SPON1: variants seen among roughly 807,000 people sequenced by gnomAD.
SPON1 encodes spondin 1, also known as spondin-1.
In SPON1, 52 loss-of-function variants were observed where a neutral mutation model predicts 111.7. The ratio of observed to expected loss-of-function variants is 0.47; its 90% CI spans 0.37 to 0.59. The LOEUF is 0.59. SPON1 is among the 20% of genes least tolerant of loss of function. The pLI is 0.00. For synonymous variants in SPON1, 410 were observed against 395.8 expected, an observed-to-expected ratio of 1.04 and a Z score of -0.43; for missense variants, 957 against 1,068.5, an observed-to-expected ratio of 0.90 and a Z score of 1.46.
chr11:14,229,026 C>T (rs1848768018), intron 6 of SPON1, among the ~76,000 whole-genome samples: 1 of 152,186 alleles, frequency 6.6e-6, no homozygotes, highest in South Asian at 2.1e-4. Context: ...GAAGCTTCCA[C>T]CCCAGTTACC....
At chr11:13,964,290 G>C (rs1564874503) in intron 1 of SPON1, among the ~76,000 whole-genome samples, 1 of 152,228 alleles carries the variant, frequency 6.6e-6, no homozygotes, top group Non-Finnish European at 1.5e-5. Context: ...CAGCTCTGGT[G>C]CTAAGCAGGG....
rs1185362757 is a variant in SPON1, at chr11:13,962,926, C to G, written c.22C>G (p.Leu8Val). 2.6e-6 allele frequency: 4 copies of G among 1,560,412 alleles called. No individual in the cohort carries two copies. In the African/African-American group the frequency reaches 5.6e-5, roughly 22 times the overall value. Reference sequence around the variant, plus strand: ...GAAGATGAGGCTGTCCCCGGCGCCCCTGAAGCTGAGCCGGACTCCGGCACT... The same window carrying G: ...GAAGATGAGGCTGTCCCCGGCGCCCGTGAAGCTGAGCCGGACTCCGGCACT... MRLSPAP[L>V]KLSRTPALLA... Residue 8 changes from leucine to valine, a missense_variant, in exon 1 of 16, where the codon CTG becomes GTG. Leu to Val is a conservative substitution (Grantham distance 32). This residue lies in a region of SPON1 where 262 missense variants were observed against 253.9 expected (regional missense o/e 1.03). Transcript: ENST00000576479.
intron 5 of SPON1, among the ~76,000 whole-genome samples, chr11:14,092,544 C>T (rs1849068020): frequency 6.6e-6 from 1 of 152,182 alleles, no homozygotes; most frequent in African/African-American, 2.4e-5. Flanking sequence ...CTCTTCTCAA[C>T]CATTTTACAA....
At chr11:14,237,868 G>A (rs998346938) in intron 6 of SPON1, among the ~76,000 whole-genome samples, 1 of 152,218 alleles carries the variant, frequency 6.6e-6, no homozygotes, top group African/African-American at 2.4e-5. Flanking sequence ...AAGAGCAGCA[G>A]AAGTAGGAGG....
intron 5 of SPON1, among the ~76,000 whole-genome samples, chr11:14,096,738 C>G (rs1342921998): frequency 6.6e-6 from 1 of 152,156 alleles, no homozygotes; most frequent in Non-Finnish European, 1.5e-5. Flanking sequence ...TATTGCACTC[C>G]TTTGACTCTG....
intron 6 of SPON1, among the ~76,000 whole-genome samples, chr11:14,229,195 A>G (rs1848769399): frequency 6.6e-6 from 1 of 152,244 alleles, no homozygotes; most frequent in South Asian, 2.1e-4. Context: ...ACATTCATTC[A>G]ACATATTTGA....
At chr11:14,006,561 A>C (rs1487758208) in intron 2 of SPON1, among the ~76,000 whole-genome samples, 1 of 152,142 alleles carries the variant, frequency 6.6e-6, no homozygotes, top group East Asian at 1.9e-4. Flanking sequence ...TAGGACTCTG[A>C]GGCTTTTTGC....
Position 14,099,380 on chromosome 11 carries a change from C to T in SPON1, c.676+19359C>T, listed in dbSNP as rs1178915781. Reference sequence around the variant, plus strand: ...TTCCCTTCTATTTCTTTTGGGTTGTCCTTTTGTTCCTTTGGTGAATTTTTA... The same window carrying T: ...TTCCCTTCTATTTCTTTTGGGTTGTTCTTTTGTTCCTTTGGTGAATTTTTA... On this transcript the variant is annotated intron_variant, in intron 5 of 15. Coordinates refer to ENST00000576479, the MANE Select transcript of SPON1 (RefSeq NM_006108.4). 2.0e-5 allele frequency among the ~76,000 whole-genome samples: 3 copies of T among 152,012 alleles called. No individual in the cohort carries two copies. In the East Asian group the frequency reaches 5.8e-4, roughly 29 times the overall value.
chr11:14,245,757 A>G (rs1462416508), intron 7 of SPON1, among the ~76,000 whole-genome samples: 2 of 152,062 alleles, frequency 1.3e-5, no homozygotes, highest in African/African-American at 4.8e-5. Context: ...CTTGCTCTGG[A>G]TCCTCCCTAA....
chr11:14,255,766 C>T lies in SPON1; in HGVS notation c.1212C>T (p.Val404=). Reference sequence around the variant, plus strand: ...CCATCACTCAAGTAGCCAGAGTTGTCATCGAGAGAATCGCACGGAAGGTAC... The same window carrying T: ...CCATCACTCAAGTAGCCAGAGTTGTTATCGAGAGAATCGCACGGAAGGTAC... ...GGSITQVARV[V]IERIARKGEQ... Residue 404 remains valine, a synonymous_variant, in exon 9 of 16, where the codon GTC becomes GTT. Transcript: ENST00000576479. The T allele has an allele frequency of 6.2e-7, 1 of 1,613,892 alleles. No individual in the cohort carries two copies. The highest frequency in any genetic ancestry group is 8.5e-7 in the Non-Finnish European group (1 of 1,179,874).
In SPON1 at chr11:13,967,015, C is replaced by T. The variant is rs146520282; in HGVS notation, c.238+3873C>T. ...GATAAGATATTGTGTTAAGTTCTTC[C>T]GACTCATCTCACTTATTCCTTACAG... On this transcript the variant is annotated intron_variant, in intron 1 of 15. Coordinates refer to ENST00000576479, the MANE Select transcript of SPON1 (RefSeq NM_006108.4). Among the ~76,000 whole-genome samples, 539 of 152,246 alleles carry T rather than the reference C, an allele frequency of 3.5e-3. 3 individuals are homozygous for T. The highest frequency in any genetic ancestry group is 0.012 in the African/African-American group (495 of 41,530).
intron 6 of SPON1, among the ~76,000 whole-genome samples, chr11:14,207,046 C>G (rs1554936254): frequency 6.6e-6 from 1 of 152,066 alleles, no homozygotes; most frequent in Non-Finnish European, 1.5e-5. Flanking sequence ...GCACATAGAC[C>G]AGTGGAAGAG....
chr11:14,259,576 A>C lies in SPON1; in HGVS notation c.1706A>C (p.Glu569Ala). The change falls in exon 13 of 16, where the codon GAG becomes GCG. Residue 569 changes from glutamate to alanine, a missense_variant. Physicochemically the swap from Glu to Ala is moderately radical, Grantham distance 107. Transcript: ENST00000576479. This position sits in a 1 kb window ranked among gnomAD's most constrained non-coding sequence, Gnocchi z 5.0. ...CLMTEWGEWD[E>A]CSATCGMGMK... ...ATGACCGAGTGGGGCGAGTGGGACG[A>C]GTGCAGCGCCACCTGCGGCATGGGC... 1 of 1,553,268 alleles carries C rather than the reference A, an allele frequency of 6.4e-7. No homozygotes were observed. Among genetic ancestry groups the C allele is most frequent in the East Asian group, 2.4e-5 (1 of 41,028 alleles).
chr11:13,993,111 T>C (rs1848244306), intron 2 of SPON1, among the ~76,000 whole-genome samples: 1 of 152,092 alleles, frequency 6.6e-6, no homozygotes, highest in African/African-American at 2.4e-5. Flanking sequence ...GAGTGAATCC[T>C]TATACAGAGA....
chr11:14,142,581 C>G (rs1464119690), intron 6 of SPON1, among the ~76,000 whole-genome samples: 1 of 152,226 alleles, frequency 6.6e-6, no homozygotes, highest in Non-Finnish European at 1.5e-5. Context: ...CATGCTCCCT[C>G]CCTTCCTTGG....
At chr11:14,096,896 TAAG>T (rs1391846430) in intron 5 of SPON1, among the ~76,000 whole-genome samples, 13 of 152,320 alleles carry the variant, frequency 8.5e-5, no homozygotes, top group Non-Finnish European at 1.5e-4. Context: ...TTTGATAAAA[TAAG>T]AAGCAAAGCT....
chr11:14,101,641 G>C (rs1554924384), intron 5 of SPON1, among the ~76,000 whole-genome samples: 1 of 151,274 alleles, frequency 6.6e-6, no homozygotes, highest in Admixed American at 6.6e-5. Context: ...CTACCTCACT[G>C]CTGCCTTTAA....
chr11:14,176,567 G>A lies in SPON1; in HGVS notation c.825+40999G>A, dbSNP rs189102340. ...AGGGCTACAGAACCAGTCGGGAGAA[G>A]GAAGGTGGCCTTGGCAGCAATACTC... On this transcript the variant is annotated intron_variant, in intron 6 of 15. Coordinates refer to ENST00000576479, the MANE Select transcript of SPON1 (RefSeq NM_006108.4). Among the ~76,000 whole-genome samples the A allele has an allele frequency of 3.2e-3, 488 of 152,288 alleles. 1 individual carries two copies. The highest frequency in any genetic ancestry group is 0.011 in the African/African-American group (462 of 41,556).
chr11:14,025,921 CT>C (rs1347239690), intron 2 of SPON1, among the ~76,000 whole-genome samples: 1 of 152,164 alleles, frequency 6.6e-6, no homozygotes, highest in African/African-American at 2.4e-5. Context: ...TCTCTTTGTT[CT>C]TTCCAGCCCC....
Sources: gnomAD v4.1 joint callset for allele counts (sites outside exome capture counted in the v4.1 genomes callset) on GRCh38, gnomAD v4.1.1 for gene constraint, gnomAD v4.1.1 regional missense constraint, Gnocchi (gnomAD v3.1) non-coding constraint, MANE v1.5 for transcripts, NCBI Gene and HGNC (gene_info 2026-07-23, HGNC 2026-07-21) for gene names.